The following NLGN1 variants were observed in gnomAD, a reference collection of about 807,000 sequenced individuals.
NLGN1 encodes the protein neuroligin-1.
A neutral mutation model predicts 65.5 loss-of-function variants in NLGN1; 12 were observed. That is an observed-to-expected ratio of 0.18 (90% confidence interval 0.12 to 0.30). The LOEUF is 0.30. Ranked by LOEUF, NLGN1 falls within the 10% of genes least tolerant of loss-of-function variation. The pLI, the probability that NLGN1 is intolerant of heterozygous loss-of-function variation, is 1.00. For synonymous variants in NLGN1, 350 were observed against 359.5 expected, an observed-to-expected ratio of 0.97 and a Z score of 0.30; for missense variants, 750 against 1,007.1, an observed-to-expected ratio of 0.74 and a Z score of 3.46.
chr3:173,674,916 A>G (rs984869846), intron 3 of NLGN1, among the ~76,000 whole-genome samples: 1 of 152,050 alleles, frequency 6.6e-6, no homozygotes, highest in Non-Finnish European at 1.5e-5. Flanking sequence ...ATATATTTTT[A>G]TCATTATAAA....
chr3:173,564,948 T>C (rs751412045), intron 2 of NLGN1, among the ~76,000 whole-genome samples: 1 of 152,088 alleles, frequency 6.6e-6, no homozygotes, highest in Non-Finnish European at 1.5e-5. Flanking sequence ...ACTGAGAATA[T>C]AGTGATAAGC....
chr3:173,952,743 TTAC>T (rs1217301409), intron 4 of NLGN1, among the ~76,000 whole-genome samples: 2 of 152,130 alleles, frequency 1.3e-5, no homozygotes, highest in African/African-American at 4.8e-5. Flanking sequence ...TTTTTTTATC[TTAC>T]TACTAGTTTT....
chr3:174,199,226 T>G (rs2152772203), intron 4 of NLGN1, among the ~76,000 whole-genome samples: 1 of 152,260 alleles, frequency 6.6e-6, no homozygotes, highest in Admixed American at 6.5e-5. Context: ...TATGCAATGC[T>G]TTGACAAAGG....
intron 2 of NLGN1, among the ~76,000 whole-genome samples, chr3:173,493,681 A>C (rs2149024187): frequency 6.6e-6 from 1 of 151,960 alleles, no homozygotes; most frequent in South Asian, 2.1e-4. Flanking sequence ...CAGAAGGCCA[A>C]ATACTTTGTC....
At chr3:173,783,006 G>GAATA (rs61399098) in intron 3 of NLGN1, among the ~76,000 whole-genome samples, 111,487 of 151,260 alleles carry the variant, frequency 0.74, 41,431 homozygotes, top group Non-Finnish European at 0.78. Context: ...GAAAGAGAGG[G>GAATA]AATAAATATA....
intron 2 of NLGN1, among the ~76,000 whole-genome samples, chr3:173,594,790 A>C (rs546127680): frequency 6.6e-6 from 1 of 152,246 alleles, no homozygotes; most frequent in African/African-American, 2.4e-5. Flanking sequence ...AGGTTCCCAA[A>C]CCTCAGTTCT....
At chr3:173,508,093 C>A (rs1331309336) in intron 2 of NLGN1, among the ~76,000 whole-genome samples, 4 of 152,140 alleles carry the variant, frequency 2.6e-5, no homozygotes, top group African/African-American at 9.7e-5. Flanking sequence ...AGAAGATCCA[C>A]TTTAGGGTTC....
the NLGN1 span, among the ~76,000 whole-genome samples, chr3:174,294,054 A>T: frequency 1.3e-5 from 2 of 151,752 alleles, no homozygotes; most frequent in African/African-American, 4.8e-5. Flanking sequence ...CAATTTACTA[A>T]TTGATTTAAA....
intron 4 of NLGN1, among the ~76,000 whole-genome samples, chr3:174,095,044 G>C (rs1406920044): frequency 1.3e-5 from 2 of 151,820 alleles, no homozygotes; most frequent in Non-Finnish European, 2.9e-5. Context: ...GGGCATTTAT[G>C]AAAGAAAAAA....
intron 4 of NLGN1, among the ~76,000 whole-genome samples, chr3:173,830,261 C>T (rs971275888): frequency 2.0e-5 from 3 of 152,134 alleles, no homozygotes; most frequent in Middle Eastern, 3.4e-3. Context: ...GTGTATGTTT[C>T]GATACGGTCT....
intron 4 of NLGN1, among the ~76,000 whole-genome samples, chr3:173,875,972 G>A (rs1732035710): frequency 6.6e-6 from 1 of 152,056 alleles, no homozygotes; most frequent in African/African-American, 2.4e-5. Context: ...AGTTTTAAAA[G>A]CTTAACATGT....
intron 2 of NLGN1, among the ~76,000 whole-genome samples, chr3:173,532,986 C>A (rs1472909724): frequency 1.3e-5 from 2 of 152,112 alleles, no homozygotes; most frequent in Non-Finnish European, 2.9e-5. Flanking sequence ...AATGCTGTGG[C>A]CTCCAGCTGA....
At chr3:174,096,873 T>C (rs1330655534) in intron 4 of NLGN1, among the ~76,000 whole-genome samples, 2 of 152,246 alleles carry the variant, frequency 1.3e-5, no homozygotes, top group East Asian at 3.9e-4. Flanking sequence ...TTTTCATAAG[T>C]GACCTCAGAA....
At chr3:173,809,442 T>G (rs1292204864) in intron 4 of NLGN1, among the ~76,000 whole-genome samples, 1 of 152,172 alleles carries the variant, frequency 6.6e-6, no homozygotes, top group Non-Finnish European at 1.5e-5. Context: ...CTTATATTTT[T>G]CTAATTTTTA....
chr3:173,979,964 C>T (rs533841421), intron 4 of NLGN1, among the ~76,000 whole-genome samples: 1 of 151,992 alleles, frequency 6.6e-6, no homozygotes, highest in Admixed American at 6.6e-5. Flanking sequence ...CTTCAGCTCC[C>T]AAATGGTAAC....
Position 173,401,477 on chromosome 3 carries a change from T to G in NLGN1, c.-390+2990T>G, listed in dbSNP as rs116547009. On this transcript the variant is annotated intron_variant, in intron 1 of 6. Coordinates refer to ENST00000457714, the Ensembl canonical transcript of NLGN1. ...GTGGTAGAGGACACATGATAAGATT[T>G]AAAAAACAAATAAGAAGAAGGAAGA... Among the ~76,000 whole-genome samples the G allele has an allele frequency of 3.9e-3, 590 of 152,204 alleles. 4 individuals carry two copies. The highest frequency in any genetic ancestry group is 0.013 in the African/African-American group (559 of 41,532).
chr3:173,716,025 A>T (rs1162236930), intron 3 of NLGN1, among the ~76,000 whole-genome samples: 1 of 152,188 alleles, frequency 6.6e-6, no homozygotes, highest in Non-Finnish European at 1.5e-5. Flanking sequence ...AAATATGCTT[A>T]CAATAACCAG....
At chr3:173,959,110 G>GTC (rs1712897386) in intron 4 of NLGN1, among the ~76,000 whole-genome samples, 1 of 152,222 alleles carries the variant, frequency 6.6e-6, no homozygotes, top group Non-Finnish European at 1.5e-5. Flanking sequence ...TGTGGCTTGG[G>GTC]TGGCTGCAGC....
At chr3:173,557,413 C>A (rs1315417090) in intron 2 of NLGN1, among the ~76,000 whole-genome samples, 1 of 151,982 alleles carries the variant, frequency 6.6e-6, no homozygotes, top group Non-Finnish European at 1.5e-5. Context: ...CAAATCTTAT[C>A]TTTAAATTAT....
Sources: gnomAD v4.1 joint callset for allele counts (sites outside exome capture counted in the v4.1 genomes callset) on GRCh38, gnomAD v4.1.1 for gene constraint, MANE v1.5 for transcripts, NCBI Gene and HGNC (gene_info 2026-07-23, HGNC 2026-07-21) for gene names.